The following LDLRAD4 variants were observed in gnomAD, a reference collection of about 807,000 sequenced individuals.
LDLRAD4 encodes low-density lipoprotein receptor class A domain-containing protein 4.
Under a neutral mutation model 17.0 loss-of-function variants are expected in LDLRAD4, and 5 were observed. The ratio of observed to expected loss-of-function variants is 0.29; its 90% CI spans 0.15 to 0.62. The LOEUF (loss-of-function observed/expected upper bound fraction) is 0.62, where lower values mean the gene tolerates loss of function less well. Among genes scored for constraint, LDLRAD4 ranks in the 20% least tolerant of loss-of-function variants. The pLI, the probability that LDLRAD4 is intolerant of heterozygous loss-of-function variation, is 0.84. For missense variants in LDLRAD4, 340 were observed against 424.7 expected, an observed-to-expected ratio of 0.80 and a Z score of 1.75; for synonymous variants, 168 against 171.8, an observed-to-expected ratio of 0.98 and a Z score of 0.17.
intron 3 of LDLRAD4, chr18:13,543,078 A>AGGTATTTCTGTTT: frequency 6.6e-6 from 1 of 152,298 alleles, no homozygotes; most frequent in African/African-American, 2.4e-5. Context: ...AAGGTAATTT[A>AGGTATTTCTGTTT]GGGATCACCC....
At chr18:13,620,976 T>A (rs8084854) in intron 3 of LDLRAD4, 141 bp from the exon 5 acceptor site, 2 of 1,208,232 alleles carry the variant, frequency 1.7e-6, no homozygotes, top group African/African-American at 3.0e-5. Context: ...GGGACAGTCG[T>A]TTCTGTGTCC....
At chr18:13,259,367 G>T (rs11661590) in intron 1 of LDLRAD4, among the ~76,000 whole-genome samples, 65,160 of 151,890 alleles carry the variant, frequency 0.43, 16,053 homozygotes, top group Middle Eastern at 0.58. Flanking sequence ...GTAAAGACAG[G>T]GTCTCACTGT....
At chr18:13,555,924 T>C (rs1319412997) in intron 3 of LDLRAD4, among the ~76,000 whole-genome samples, 1 of 152,194 alleles carries the variant, frequency 6.6e-6, no homozygotes, top group Non-Finnish European at 1.5e-5. Flanking sequence ...AATAGCTTCA[T>C]TGGTGTCTTC....
chr18:13,346,112 C>G (rs1164242209), intron 1 of LDLRAD4, among the ~76,000 whole-genome samples: 4 of 152,074 alleles, frequency 2.6e-5, no homozygotes, highest in African/African-American at 9.7e-5. Context: ...TATTTCTTGC[C>G]TTATGCTAGC....
intron 4 of LDLRAD4, among the ~76,000 whole-genome samples, chr18:13,632,494 G>A (rs747803171): frequency 7.2e-5 from 11 of 152,224 alleles, no homozygotes; most frequent in Admixed American, 1.3e-4. Flanking sequence ...AGCATCCACT[G>A]CAGGCACTTG....
intron 3 of LDLRAD4, chr18:13,613,658 A>G (rs1368318933): frequency 6.6e-6 from 1 of 152,232 alleles, no homozygotes; most frequent in Non-Finnish European, 1.5e-5. Context: ...AAGTAATTGT[A>G]GTGGATGAAG....
At chr18:13,618,326 C>T (rs2040278513) in intron 3 of LDLRAD4, among the ~76,000 whole-genome samples, 1 of 152,220 alleles carries the variant, frequency 6.6e-6, no homozygotes, top group South Asian at 2.1e-4. Context: ...TTGGTGGAGT[C>T]AGGGGCGCTG....
At chr18:13,592,269 A>G (rs1475504924) in intron 3 of LDLRAD4, among the ~76,000 whole-genome samples, 7 of 152,238 alleles carry the variant, frequency 4.6e-5, no homozygotes, top group Non-Finnish European at 1.0e-4. Context: ...ATCATAACCC[A>G]ATATAAATAC....
chr18:13,643,464 G>GGC, intron 5 of LDLRAD4, 52 bp downstream of exon 6: 5 of 288,976 alleles, frequency 1.7e-5, no homozygotes, highest in East Asian at 5.7e-5. Context: ...GGTGGGTGGG[G>GGC]ATGAAGGGGG....
At chr18:13,499,289 G>A in intron 3 of LDLRAD4, among the ~76,000 whole-genome samples, 1 of 140,474 alleles carries the variant, frequency 7.1e-6, no homozygotes, top group Non-Finnish European at 1.5e-5. Flanking sequence ...TCCTTTCGTG[G>A]ACACTGGAGA....
intron 3 of LDLRAD4, among the ~76,000 whole-genome samples, chr18:13,576,768 G>A (rs920931292): frequency 1.3e-5 from 2 of 152,236 alleles, no homozygotes; most frequent in African/African-American, 4.8e-5. Flanking sequence ...CTTCCCAGCT[G>A]TAGCAGGGGG....
intron 1 of LDLRAD4, among the ~76,000 whole-genome samples, chr18:13,344,604 T>C (rs2082572352): frequency 6.6e-6 from 1 of 152,252 alleles, no homozygotes; most frequent in African/African-American, 2.4e-5. Flanking sequence ...AAGTAGTTTT[T>C]TCCAATCTGT....
chr18:13,257,373 A>C (rs1357963922), intron 1 of LDLRAD4, among the ~76,000 whole-genome samples: 1 of 152,248 alleles, frequency 6.6e-6, no homozygotes, highest in African/African-American at 2.4e-5. Context: ...AGCAGAATTC[A>C]GTGCCAGTCC....
intron 3 of LDLRAD4, among the ~76,000 whole-genome samples, chr18:13,586,281 G>A (rs745669856): frequency 1.9e-4 from 28 of 151,134 alleles, no homozygotes; most frequent in Non-Finnish European, 3.5e-4. Flanking sequence ...GGTGGCAGGC[G>A]TCTGTAATCC....
chr18:13,468,264 A>AAT (rs368916007), intron 3 of LDLRAD4, among the ~76,000 whole-genome samples: 59 of 152,348 alleles, frequency 3.9e-4, no homozygotes, highest in African/African-American at 1.3e-3. Context: ...TATTATTCAG[A>AAT]ATATATAAAG....
At chr18:13,253,911 T>A (rs10445429) in intron 1 of LDLRAD4, among the ~76,000 whole-genome samples, 57,811 of 152,136 alleles carry the variant, frequency 0.38, 12,844 homozygotes, top group East Asian at 0.52. Flanking sequence ...TCCAGGCTGG[T>A]ACTCACTGAG....
intron 1 of LDLRAD4, among the ~76,000 whole-genome samples, chr18:13,272,183 CA>C (rs2044596603): frequency 6.6e-6 from 1 of 152,192 alleles, no homozygotes; most frequent in Non-Finnish European, 1.5e-5. Context: ...CGTGAGCCAC[CA>C]CACCTGGCCC....
chr18:13,438,362 C>T (rs1295301016), exon 3 of LDLRAD4: 6 of 1,614,094 alleles, frequency 3.7e-6, no homozygotes, highest in Admixed American at 1.7e-5. Flanking sequence ...TGACCGAGCA[C>T]CCGCCTCCGG....
At chr18:13,458,015 G>A (rs944328440) in intron 3 of LDLRAD4, among the ~76,000 whole-genome samples, 4 of 152,178 alleles carry the variant, frequency 2.6e-5, no homozygotes, top group Non-Finnish European at 4.4e-5. Flanking sequence ...TCATTCATAC[G>A]TGTTCTCATG....
Sources: allele counts gnomAD v4.1 joint callset (sites outside exome capture counted in the v4.1 genomes callset), GRCh38; gene constraint gnomAD v4.1.1; transcripts MANE v1.5; gene names NCBI Gene and HGNC (gene_info 2026-07-23, HGNC 2026-07-21).